GPHN: variants seen among roughly 807,000 people sequenced by gnomAD.
GPHN encodes the protein gephyrin.
Under a neutral mutation model 95.5 loss-of-function variants are expected in GPHN, and 17 were observed. That is an observed-to-expected ratio of 0.18 (90% CI 0.12 to 0.27). GPHN has a LOEUF of 0.27. Ranked by LOEUF, GPHN falls within the 10% of genes least tolerant of loss-of-function variation. GPHN has a pLI of 1.00. For missense variants in GPHN, 660 were observed against 978.1 expected (o/e 0.67, Z 4.34); for synonymous variants, 320 against 322.5 (o/e 0.99, Z 0.08).
intron 5 of GPHN, among the ~76,000 whole-genome samples, chr14:66,899,122 C>CTTTTTTTTTTTT (rs149566081): frequency 6.1e-5 from 8 of 130,696 alleles, no homozygotes; most frequent in African/African-American, 5.3e-5. Context: ...AGGGCTTTTT[C>CTTTTTTTTTTTT]TTTTTTTTTT....
At chr14:66,628,134 G>A (rs2063591728) in intron 1 of GPHN, among the ~76,000 whole-genome samples, 1 of 152,062 alleles carries the variant, frequency 6.6e-6, no homozygotes, top group South Asian at 2.1e-4. Context: ...AGAAAATTCA[G>A]TTACTAACAG....
the GPHN span, among the ~76,000 whole-genome samples, chr14:67,234,877 C>T: frequency 2.4e-3 from 359 of 148,970 alleles, 9 homozygotes; most frequent in East Asian, 0.016. Context: ...AAGTTCAGGC[C>T]GGGTGCGGTG....
the GPHN span, chr14:67,562,081 G>T: frequency 1.2e-6 from 2 of 1,604,870 alleles, no homozygotes; most frequent in African/African-American, 2.7e-5. Flanking sequence ...GTGTTTGGTG[G>T]GTATGGGGCT....
the GPHN span, among the ~76,000 whole-genome samples, chr14:67,440,010 A>G: frequency 2.0e-5 from 3 of 151,824 alleles, no homozygotes; most frequent in Non-Finnish European, 2.9e-5. Context: ...TAATTTTCGT[A>G]TTTTTGGTAG....
At chr14:67,047,370 T>G (rs4902463) in intron 10 of GPHN, among the ~76,000 whole-genome samples, 155 of 90,384 alleles carry the variant, frequency 1.7e-3, no homozygotes, top group Admixed American at 3.8e-3. Context: ...GTGTTTGTTT[T>G]TTTTTTTTTT....
the GPHN span, among the ~76,000 whole-genome samples, chr14:67,291,000 A>AT: frequency 1.3e-5 from 2 of 152,236 alleles, no homozygotes; most frequent in Non-Finnish European, 2.9e-5. Flanking sequence ...CTAGGTAAAT[A>AT]TTTTTTAATG....
At chr14:66,833,238 C>T (rs1206207502) in intron 4 of GPHN, among the ~76,000 whole-genome samples, 2 of 152,136 alleles carry the variant, frequency 1.3e-5, no homozygotes, top group Non-Finnish European at 2.9e-5. Flanking sequence ...CAAACACATC[C>T]TTCTTCACAT....
the GPHN span, among the ~76,000 whole-genome samples, chr14:67,371,761 G>T: frequency 6.6e-6 from 1 of 152,204 alleles, no homozygotes; most frequent in South Asian, 2.1e-4. Context: ...GAAATGTTAT[G>T]CAGTGCATGA....
At chr14:67,022,547 T>C (rs1411310213) in intron 9 of GPHN, among the ~76,000 whole-genome samples, 4 of 112,576 alleles carry the variant, frequency 3.6e-5, no homozygotes, top group Non-Finnish European at 7.2e-5. Flanking sequence ...TTTCCTTTTT[T>C]TTTTTTTTTT....
At chr14:66,804,389 C>T (rs1446754209) in intron 3 of GPHN, among the ~76,000 whole-genome samples, 6 of 152,192 alleles carry the variant, frequency 3.9e-5, no homozygotes, top group Admixed American at 3.9e-4. Flanking sequence ...ACTTACTTCC[C>T]TAGCAAGTCT....
At chr14:66,734,957 G>A (rs112016873) in intron 2 of GPHN, among the ~76,000 whole-genome samples, 2 of 152,128 alleles carry the variant, frequency 1.3e-5, no homozygotes, top group African/African-American at 4.8e-5. Flanking sequence ...ACTATGTTCA[G>A]TGTTGTGTTA....
the GPHN span, among the ~76,000 whole-genome samples, chr14:67,610,550 G>A: frequency 6.6e-6 from 1 of 152,080 alleles, no homozygotes; most frequent in Non-Finnish European, 1.5e-5. Context: ...TCATGTAATG[G>A]GGGTCTCAAG....
chr14:67,358,477 T>C, the GPHN span, among the ~76,000 whole-genome samples: 6 of 151,936 alleles, frequency 3.9e-5, no homozygotes, highest in Admixed American at 2.0e-4. Flanking sequence ...CCCACAGAGA[T>C]AGGACCACAA....
intron 1 of GPHN, among the ~76,000 whole-genome samples, chr14:66,635,166 T>C (rs1205272167): frequency 2.6e-5 from 4 of 152,132 alleles, no homozygotes; most frequent in Non-Finnish European, 5.9e-5. Flanking sequence ...GCATGGGACC[T>C]AGATTCTAAA....
chr14:67,158,973 A>G (rs150396217), intron 18 of GPHN, among the ~76,000 whole-genome samples: 1 of 152,330 alleles, frequency 6.6e-6, no homozygotes, highest in African/African-American at 2.4e-5. Context: ...GGATACATAC[A>G]TGTAGGTTTC....
chr14:67,092,737 G>A (rs2077193691), intron 12 of GPHN, among the ~76,000 whole-genome samples: 1 of 152,048 alleles, frequency 6.6e-6, no homozygotes, highest in South Asian at 2.1e-4. Context: ...TAAAATAATA[G>A]GAAGACCTGT....
chr14:67,021,234 CAT>C (rs973499311), intron 9 of GPHN, among the ~76,000 whole-genome samples: 1 of 152,104 alleles, frequency 6.6e-6, no homozygotes, highest in Non-Finnish European at 1.5e-5. Flanking sequence ...TACACACACA[CAT>C]ACTCAAGATC....
the GPHN span, among the ~76,000 whole-genome samples, chr14:67,654,171 A>G: frequency 6.6e-6 from 1 of 152,190 alleles, no homozygotes; most frequent in East Asian, 1.9e-4. Context: ...CAGTGCTGCA[A>G]TCGCAGCTCA....
chr14:66,941,315 A>G (rs1386899065), intron 8 of GPHN, among the ~76,000 whole-genome samples: 1 of 152,118 alleles, frequency 6.6e-6, no homozygotes, highest in African/African-American at 2.4e-5. Flanking sequence ...TCTTATATTT[A>G]GCCTGATTAT....
Sources: allele counts gnomAD v4.1 joint callset (sites outside exome capture counted in the v4.1 genomes callset), GRCh38; gene constraint gnomAD v4.1.1; transcripts MANE v1.5; gene names NCBI Gene and HGNC (gene_info 2026-07-23, HGNC 2026-07-21).